ANXA7: variants seen among roughly 807,000 people sequenced by gnomAD.
ANXA7 encodes the protein annexin A7.
In ANXA7, 55 loss-of-function variants were observed where a neutral mutation model predicts 64.9. The ratio of observed to expected loss-of-function variants is 0.85; its 90% CI spans 0.68 to 1.06. The LOEUF is 1.06. Among genes scored for constraint, ANXA7 ranks in the 50% least tolerant of loss-of-function variants. The pLI, the probability that ANXA7 is intolerant of heterozygous loss-of-function variation, is 0.00. For synonymous variants in ANXA7, 200 were observed against 192.4 expected, an observed-to-expected ratio of 1.04 and a Z score of -0.33; for missense variants, 548 against 582.1, an observed-to-expected ratio of 0.94 and a Z score of 0.60.
intron 1 of ANXA7, among the ~76,000 whole-genome samples, chr10:73,410,554 C>T (rs752705351): frequency 3.3e-5 from 5 of 152,020 alleles, no homozygotes; most frequent in African/African-American, 1.2e-4. Flanking sequence ...GAGGCCCAGA[C>T]GGGCGATCAC....
rs1160617541 is a variant in ANXA7 at position 73,387,790 on chromosome 10, G to A, written c.539-7C>T. On this transcript the variant is annotated splice_region_variant and splice_polypyrimidine_tract_variant and intron_variant, in intron 6 of 12. Transcript: ENST00000372921. ...ATTGCCTGCTCATCTGTCCCTGGAA[G>A]AACCACACATGTTTAAGTAAGGACA... is the stretch of plus-strand genomic sequence containing the variant. 1 of 1,598,466 alleles carries A rather than the reference G, an allele frequency of 6.3e-7. No individual in the cohort carries two copies. The highest frequency in any genetic ancestry group is 8.5e-7 in the Non-Finnish European group (1 of 1,169,908).
At position 73,392,569 on chromosome 10, in the gene ANXA7, T is replaced by A. The variant is rs927694614; in HGVS notation, c.435+3950A>T. Among the ~76,000 whole-genome samples, 3 of 152,162 alleles carry A rather than the reference T, an allele frequency of 2.0e-5. No individual in the cohort carries two copies. The South Asian group carries it at 6.2e-4, about 32-fold the overall frequency. On this transcript the variant is annotated intron_variant, in intron 5 of 12. Coordinates refer to ENST00000372921, the MANE Select transcript of ANXA7 (RefSeq NM_001156.5). ...AACATATGCAAATCAGTAAATGTAATCCAGCATATAAACAGAACCAAAGAC... is the reference window on the plus strand; with the variant it reads ...AACATATGCAAATCAGTAAATGTAAACCAGCATATAAACAGAACCAAAGAC...
chr10:73,376,028 A>G lies in ANXA7; in HGVS notation c.*67T>C. ...GCTGATGTTTGATATTGCTGCATGC[A>G]GGTCATTGCTCTGAAGGATAAGCTA... On this transcript the variant is annotated 3_prime_UTR_variant, in exon 13 of 13. Coordinates refer to ENST00000372921, the MANE Select transcript of ANXA7 (RefSeq NM_001156.5). The G allele has an allele frequency of 7.6e-7, 1 of 1,316,130 alleles. No individual in the cohort carries two copies. Among genetic ancestry groups the G allele is most frequent in the South Asian group, 1.6e-5 (1 of 61,482 alleles). The allele number at this position is 1,316,130 out of a possible 1,614,324, so 81.5% of individuals were successfully genotyped here.
chr10:73,411,544 G>A (rs1167486065), intron 1 of ANXA7, among the ~76,000 whole-genome samples: 1 of 152,012 alleles, frequency 6.6e-6, no homozygotes, highest in African/African-American at 2.4e-5. Context: ...AGGTTCAAGC[G>A]ATTCTCCTGT....
At chr10:73,412,614 C>T (rs2055862946) in intron 1 of ANXA7, among the ~76,000 whole-genome samples, 1 of 151,448 alleles carries the variant, frequency 6.6e-6, no homozygotes, top group Non-Finnish European at 1.5e-5. Flanking sequence ...CTGCCTCAGC[C>T]TCCAGAGTAG....
At chr10:73,405,231 A>G (rs2055735042) in intron 1 of ANXA7, among the ~76,000 whole-genome samples, 1 of 147,598 alleles carries the variant, frequency 6.8e-6, no homozygotes, top group African/African-American at 2.5e-5. Context: ...CCACAGAGCA[A>G]TACTGTCTCA....
rs368036663 is a variant in ANXA7 at position 73,377,773 on chromosome 10, G to GGTGTGTGTGTGT, written c.1278+1126_1278+1137dup. On this transcript the variant is annotated intron_variant, in intron 12 of 12. Coordinates refer to ENST00000372921, the MANE Select transcript of ANXA7 (RefSeq NM_001156.5). ...ACTACCATGCCGGGGGGTGGGTGTG[G>GGTGTGTGTGTGT]GTGTGTGTGTGTGTGTGTGTGTGTG... Among the ~76,000 whole-genome samples, 78 of 124,844 alleles carry GGTGTGTGTGTGT rather than the reference G, an allele frequency of 6.2e-4. 3 individuals carry two copies. The highest frequency in any genetic ancestry group is 2.3e-3 in the African/African-American group (72 of 31,118). 81.9% of individuals were successfully genotyped at this position (124,844 alleles called of 152,430 possible).
At chr10:73,408,194 C>A (rs1323088097) in intron 1 of ANXA7, 1 of 151,990 alleles carries the variant, frequency 6.6e-6, no homozygotes, top group African/African-American at 2.4e-5. Context: ...GCGGCGCCCA[C>A]CTGTAGTCCA....
chr10:73,412,411 G>A (rs2055858811), intron 1 of ANXA7, among the ~76,000 whole-genome samples: 1 of 151,732 alleles, frequency 6.6e-6, no homozygotes, highest in African/African-American at 2.4e-5. Flanking sequence ...GATTTTAAAC[G>A]TTTTTGTAAA....
At chr10:73,383,904 G>A (rs980064671) in intron 7 of ANXA7, among the ~76,000 whole-genome samples, 12 of 152,136 alleles carry the variant, frequency 7.9e-5, no homozygotes, top group African/African-American at 2.9e-4. Context: ...GGAGGATCAT[G>A]AGGTCAGGAG....
intron 5 of ANXA7, among the ~76,000 whole-genome samples, chr10:73,391,481 GCACAACTATAGTCCCAGTTACT>G (rs150370041): frequency 1.4e-3 from 211 of 151,862 alleles, no homozygotes; most frequent in African/African-American, 4.9e-3. Context: ...GCATGCTGGT[GCACAACTATAGTCCCAGTTACT>G]CAGGAGGCTG....
At chr10:73,399,326 C>T (rs911225120) in intron 2 of ANXA7, among the ~76,000 whole-genome samples, 2 of 152,176 alleles carry the variant, frequency 1.3e-5, no homozygotes, top group African/African-American at 4.8e-5. Flanking sequence ...TAGCAATTAG[C>T]CTACACTGAC....
In ANXA7 at chr10:73,379,032, TAG is replaced by T. The variant is rs760055063; in HGVS notation, c.1166-11_1166-10del. On this transcript the variant is annotated splice_polypyrimidine_tract_variant and intron_variant, in intron 11 of 12. Transcript: ENST00000372921. ...GTTCAGGGCACACTGCACTGCAAGTTAGAGATGGTTGAGACATGGAATCATGA... is the reference window on the plus strand; with the variant it reads ...GTTCAGGGCACACTGCACTGCAAGTTAGATGGTTGAGACATGGAATCATGA... The T allele has an allele frequency of 9.5e-6, 15 of 1,584,194 alleles. No individual in the cohort carries two copies. The highest frequency in any genetic ancestry group is 1.2e-5 in the Non-Finnish European group (14 of 1,159,714).
chr10:73,390,055 TAA>T (rs2055443742), intron 5 of ANXA7, among the ~76,000 whole-genome samples: 1 of 152,200 alleles, frequency 6.6e-6, no homozygotes, highest in Admixed American at 6.5e-5. Flanking sequence ...TGACCTAAAA[TAA>T]AGATTACTGT....
intron 1 of ANXA7, among the ~76,000 whole-genome samples, chr10:73,413,038 T>G (rs2055869326): frequency 6.6e-6 from 1 of 151,908 alleles, no homozygotes; most frequent in Non-Finnish European, 1.5e-5. Context: ...CGAATACAAT[T>G]TTGCAAAACC....
chr10:73,391,273 C>CTAT (rs909144120), intron 5 of ANXA7, among the ~76,000 whole-genome samples: 3 of 151,266 alleles, frequency 2.0e-5, no homozygotes, highest in African/African-American at 7.3e-5. Context: ...CCAACCTTTG[C>CTAT]TATTCTTCTT....
chr10:73,410,650 C>T (rs375638734), intron 1 of ANXA7, among the ~76,000 whole-genome samples: 2 of 151,862 alleles, frequency 1.3e-5, no homozygotes, highest in African/African-American at 4.8e-5. Flanking sequence ...GGCATGGTGG[C>T]GTGTGACTGT....
intron 5 of ANXA7, among the ~76,000 whole-genome samples, chr10:73,390,731 T>TATATATATATATATATAAAA (rs2055465764): frequency 7.3e-6 from 1 of 137,580 alleles, no homozygotes; most frequent in Non-Finnish European, 1.5e-5. Context: ...AAAATATATA[T>TATATATATATATATATAAAA]ATACACACAC....
chr10:73,403,235 T>C (rs1164665698), intron 1 of ANXA7, among the ~76,000 whole-genome samples: 1 of 152,160 alleles, frequency 6.6e-6, no homozygotes, highest in African/African-American at 2.4e-5. Context: ...TGCCTGTAAA[T>C]CCCAGCACTT....
Sources: gnomAD v4.1 joint callset for allele counts (sites outside exome capture counted in the v4.1 genomes callset) on GRCh38, gnomAD v4.1.1 for gene constraint, MANE v1.5 for transcripts, NCBI Gene and HGNC (gene_info 2026-07-23, HGNC 2026-07-21) for gene names.